COBL: variants seen among roughly 807,000 people sequenced by gnomAD.
COBL encodes the protein cordon-bleu WH2 repeat protein, also known as protein cordon-bleu.
Under a neutral mutation model 98.8 loss-of-function variants are expected in COBL, and 51 were observed. The ratio of observed to expected loss-of-function variants is 0.52; its 90% confidence interval spans 0.41 to 0.65. The LOEUF (loss-of-function observed/expected upper bound fraction) is 0.65, where lower values mean the gene tolerates loss of function less well. Ranked by LOEUF, COBL falls within the 30% of genes least tolerant of loss-of-function variation. The pLI is 0.00. For synonymous variants in COBL, 634 were observed against 651.7 expected, an observed-to-expected ratio of 0.97 and a Z score of 0.41; for missense variants, 1,617 against 1,617.5, an observed-to-expected ratio of 1.00 and a Z score of 0.01.
chr7:51,315,257 T>C (rs1226359076), intron 1 of COBL, among the ~76,000 whole-genome samples: 1 of 101,354 alleles, frequency 9.9e-6, no homozygotes, highest in African/African-American at 2.8e-5. Flanking sequence ...GTAAGTGCAC[T>C]GCAAAAAAAA....
At chr7:51,260,177 G>A in intron 1 of COBL, 1 of 913,010 alleles carries the variant, frequency 1.1e-6, no homozygotes, top group Non-Finnish European at 1.7e-6. Flanking sequence ...TCTTTCTAGA[G>A]TTGTAGCTAC....
At chr7:51,053,644 G>A (rs1898449) in intron 7 of COBL, among the ~76,000 whole-genome samples, 47,153 of 152,116 alleles carry the variant, frequency 0.31, 8,027 homozygotes, top group East Asian at 0.45. Context: ...CGGGTGTGCT[G>A]TAATGCCACC....
chr7:51,180,372 C>A (rs184151489), intron 5 of COBL, among the ~76,000 whole-genome samples: 16 of 152,272 alleles, frequency 1.1e-4, no homozygotes, highest in African/African-American at 3.9e-4. Context: ...ATTTTGAGAT[C>A]TCGAGAAGAA....
chr7:51,152,343 G>T (rs1583978576), intron 5 of COBL, among the ~76,000 whole-genome samples: 2 of 152,300 alleles, frequency 1.3e-5, no homozygotes, highest in Middle Eastern at 3.4e-3. Flanking sequence ...TCTGTAGCTT[G>T]TTTCTTAGCT....
chr7:51,028,055 C>G lies in COBL; in HGVS notation c.3041G>C (p.Arg1014Pro). Residue 1014 changes from arginine (R) to proline (P), a missense_variant, in exon 10 of 13, where the codon CGC becomes CCC. Around this residue, in one of 3 missense-constraint regions of COBL, gnomAD observed 1,304 missense variants for 1,282.0 expected, o/e 1.02. Transcript: ENST00000265136. Reference protein sequence around the residue: ...QEASSASEPRRAPDGTDPPPP... With the variant: ...QEASSASEPRPAPDGTDPPPP... The stretch of plus-strand genomic sequence containing the variant: ...GGGTGGGTCTGTACCATCAGGTGCG[C>G]GTCTGGGCTCAGATGCTGAGCTGGC... The G allele has an allele frequency of 6.2e-7, 1 of 1,611,080 alleles. No homozygotes were observed. Among genetic ancestry groups the G allele is most frequent in the Non-Finnish European group, 8.5e-7 (1 of 1,178,502 alleles).
At chr7:51,300,804 G>A (rs1250117053) in intron 1 of COBL, among the ~76,000 whole-genome samples, 1 of 152,044 alleles carries the variant, frequency 6.6e-6, no homozygotes, top group African/African-American at 2.4e-5. Flanking sequence ...AACCTTACTC[G>A]TTCCTGCCAT....
At chr7:51,135,527 C>T (rs746095866) in intron 6 of COBL, among the ~76,000 whole-genome samples, 5 of 152,106 alleles carry the variant, frequency 3.3e-5, no homozygotes, top group African/African-American at 4.8e-5. Context: ...GTCAGGACCC[C>T]GCCATTTGGT....
chr7:51,018,667 C>T (rs1288834952), intron 12 of COBL, among the ~76,000 whole-genome samples: 10 of 151,458 alleles, frequency 6.6e-5, no homozygotes, highest in Non-Finnish European at 1.5e-4. Context: ...CCAAGGCGGG[C>T]AGATCACCTG....
chr7:51,094,225 G>C (rs1323615097), intron 6 of COBL, among the ~76,000 whole-genome samples: 1 of 151,894 alleles, frequency 6.6e-6, no homozygotes, highest in Non-Finnish European at 1.5e-5. Context: ...AAGCTGAGGA[G>C]TAGAGGAGAG....
In COBL at chr7:51,300,660, G is replaced by C. The variant is rs117662255; in HGVS notation, c.41+15933C>G. Among the ~76,000 whole-genome samples the C allele has an allele frequency of 2.1e-3, 327 of 152,284 alleles. 6 individuals are homozygous for C. The East Asian group carries it at 0.022, about 10-fold the overall frequency. On this transcript the variant is annotated intron_variant, in intron 1 of 12. Transcript: ENST00000265136. Reference sequence around the variant, plus strand: ...ACGCGGTCTGGGGCTCATTGTACTCGTGGGTAAAATGGGAGAATGCCTTCT... The same window carrying C: ...ACGCGGTCTGGGGCTCATTGTACTCCTGGGTAAAATGGGAGAATGCCTTCT...
intron 1 of COBL, among the ~76,000 whole-genome samples, chr7:51,287,660 G>A (rs1436685692): frequency 6.6e-6 from 1 of 152,094 alleles, no homozygotes; most frequent in Non-Finnish European, 1.5e-5. Flanking sequence ...TGAAACTGTA[G>A]GTTCACACAA....
chr7:51,275,626 TGCCACCAGCCACCACCAGCC>T (rs1404723305), intron 1 of COBL, among the ~76,000 whole-genome samples: 3 of 151,736 alleles, frequency 2.0e-5, no homozygotes, highest in African/African-American at 7.3e-5. Context: ...TGGCATCAGC[TGCCACCAGCCACCACCAGCC>T]GCCACCAACC....
intron 1 of COBL, among the ~76,000 whole-genome samples, chr7:51,251,188 C>T (rs1225693077): frequency 1.3e-5 from 2 of 152,112 alleles, no homozygotes; most frequent in Non-Finnish European, 2.9e-5. Flanking sequence ...AATTAGAACA[C>T]GTAAAATATA....
chr7:51,063,846 A>G (rs1176398032), intron 7 of COBL, among the ~76,000 whole-genome samples: 1 of 152,252 alleles, frequency 6.6e-6, no homozygotes, highest in East Asian at 1.9e-4. Flanking sequence ...AAACATTTCT[A>G]AATGTTCTAC....
At chr7:51,288,390 C>T (rs1237836871) in intron 1 of COBL, among the ~76,000 whole-genome samples, 9 of 147,022 alleles carry the variant, frequency 6.1e-5, no homozygotes, top group East Asian at 4.0e-4. Flanking sequence ...GCTGAGATCC[C>T]GCCACTGCAC....
chr7:51,129,852 G>T (rs946000699), intron 6 of COBL, among the ~76,000 whole-genome samples: 1 of 152,184 alleles, frequency 6.6e-6, no homozygotes, highest in African/African-American at 2.4e-5. Flanking sequence ...TTTAAAGCAT[G>T]ACATGACCCT....
At chr7:51,033,729 T>A (rs1201398573) in intron 8 of COBL, 1 of 152,282 alleles carries the variant, frequency 6.6e-6, no homozygotes, top group Non-Finnish European at 1.5e-5. Flanking sequence ...TTTAAAAGGA[T>A]AATTTTGTCC....
At chr7:51,160,909 CTT>C (rs371720725) in intron 5 of COBL, among the ~76,000 whole-genome samples, 5 of 145,396 alleles carry the variant, frequency 3.4e-5, no homozygotes, top group Non-Finnish European at 4.6e-5. Context: ...GAATATAAAG[CTT>C]TTTTTTTTTT....
intron 1 of COBL, among the ~76,000 whole-genome samples, chr7:51,315,725 G>A (rs1803500671): frequency 2.0e-5 from 3 of 151,946 alleles, no homozygotes; most frequent in Admixed American, 2.0e-4. Flanking sequence ...GGATGAGCAC[G>A]GCGCACCTGG....
Sources: allele counts gnomAD v4.1 joint callset (sites outside exome capture counted in the v4.1 genomes callset), GRCh38; gene constraint gnomAD v4.1.1; regional missense constraint gnomAD v4.1.1; transcripts MANE v1.5; gene names NCBI Gene and HGNC (gene_info 2026-07-23, HGNC 2026-07-21).